The following LRRC47 variants were observed in gnomAD, a reference collection of about 807,000 sequenced individuals.
The protein encoded by LRRC47 is leucine-rich repeat-containing protein 47.
LRRC47 carries 31 observed loss-of-function variants against 40.9 expected under a neutral mutation model. The observed-to-expected ratio is 0.76, with a 90% CI of 0.57 to 1.02. The LOEUF (loss-of-function observed/expected upper bound fraction) is 1.02, where lower values mean the gene tolerates loss of function less well. Among genes scored for constraint, LRRC47 ranks in the 50% least tolerant of loss-of-function variants. The pLI is 0.00. For missense variants in LRRC47, 726 were observed against 796.1 expected, an observed-to-expected ratio of 0.91 and a Z score of 1.06; for synonymous variants, 427 against 371.9, an observed-to-expected ratio of 1.15 and a Z score of -1.70.
Position 3,781,518 on chromosome 1 carries a change from G to A in LRRC47, c.1497C>T (p.Leu499=). The change falls in exon 6 of 7, where the codon CTC becomes CTT. Residue 499 remains leucine, a synonymous_variant. Coordinates refer to ENST00000378251, the MANE Select transcript of LRRC47 (RefSeq NM_020710.3). ...LQICKDVMDA[L]ILKMAEMKKY... ...GGAGCCACCCCACACTCACCAGAATGAGGGCATCCATGACATCCTTGCAAA... is the reference window on the plus strand; with the variant it reads ...GGAGCCACCCCACACTCACCAGAATAAGGGCATCCATGACATCCTTGCAAA... 1 of 1,613,696 alleles carries A rather than the reference G, an allele frequency of 6.2e-7. No homozygotes were observed.
At chr1:3,790,978 C>T (rs1232507672) in intron 1 of LRRC47, among the ~76,000 whole-genome samples, 4 of 152,220 alleles carry the variant, frequency 2.6e-5, no homozygotes, top group African/African-American at 4.8e-5. Flanking sequence ...ACCCACGGAA[C>T]GCAGGAAAGT....
At position 3,779,745 on chromosome 1, in the gene LRRC47, ACCTG is replaced by A. The variant is rs1557639132; in HGVS notation, c.*1339_*1342del. The A allele has an allele frequency of 6.6e-6, 1 of 152,086 alleles. No homozygotes were observed. Among genetic ancestry groups the A allele is most frequent in the African/African-American group, 2.4e-5 (1 of 41,408 alleles). 9.4% of individuals were successfully genotyped at this position (152,086 alleles called of 1,614,324 possible). A position where few individuals can be genotyped will look rare whatever the true frequency, so the allele number is the denominator to read the frequency against. ...GCGTCTGGTCCACTCCTGGGGCTCC[ACCTG>A]CCTGTCACTGCAGCACCAGCGTGCA... On this transcript the variant is annotated 3_prime_UTR_variant, in exon 7 of 7. Transcript: ENST00000378251.
At chr1:3,792,498 T>C (rs1643635952) in intron 1 of LRRC47, among the ~76,000 whole-genome samples, 1 of 151,020 alleles carries the variant, frequency 6.6e-6, no homozygotes, top group Non-Finnish European at 1.5e-5. Context: ...TCTCACTTTC[T>C]CACCCAGGCT....
rs1402154729 is a variant in LRRC47 at position 3,787,164 on chromosome 1, G to T, written c.762C>A (p.Ile254=). 17 of 1,613,868 alleles carry T rather than the reference G, an allele frequency of 1.1e-5. No individual in the cohort carries two copies. The highest frequency in any genetic ancestry group is 1.4e-5 in the Non-Finnish European group (17 of 1,180,042). Residue 254 remains isoleucine, a synonymous_variant, in exon 2 of 7, where the codon ATC becomes ATA. Transcript: ENST00000378251. ...KMVSGCQTRS[I]LEYLRVGGRG... ...GGCCTCCGACGCGCAGGTACTCCAG[G>T]ATGGATCTGGTCTGGCAGCCGCTGA...
Position 3,796,445 on chromosome 1 carries a change from G to T in LRRC47, c.32C>A (p.Pro11Gln). Reference protein sequence around the residue: MAAAAVSESWPELELAERERR... With the variant: MAAAAVSESWQELELAERERR... ...CTCGCGCTCAGCCAGCTCCAGCTCC[G>T]GCCAAGACTCTGACACCGCTGCCGC... The change falls in exon 1 of 7, where the codon CCG (proline) becomes CAG (glutamine). Residue 11 changes from proline (P) to glutamine (Q), a missense_variant. Coordinates refer to ENST00000378251, the MANE Select transcript of LRRC47 (RefSeq NM_020710.3). 1.3e-6 allele frequency: 2 copies of T among 1,522,992 alleles called. No homozygotes were observed. Among genetic ancestry groups the T allele is most frequent in the Non-Finnish European group, 1.7e-6 (2 of 1,143,512 alleles). 94.3% of individuals were successfully genotyped at this position (1,522,992 alleles called of 1,614,324 possible). A position where few individuals can be genotyped will look rare whatever the true frequency, so the allele number is the denominator to read the frequency against.
In LRRC47 at chr1:3,788,127, C is replaced by T. The variant is rs113657568; in HGVS notation, c.616-817G>A. ...CCCAGGGTCTGGGCAGCGCAGGGAACGTGCGTGTGAGGGCAGCCACTTCCA... is the reference window on the plus strand; with the variant it reads ...CCCAGGGTCTGGGCAGCGCAGGGAATGTGCGTGTGAGGGCAGCCACTTCCA... On this transcript the variant is annotated intron_variant, in intron 1 of 6. Transcript: ENST00000378251. Among the ~76,000 whole-genome samples, 5 of 152,208 alleles carry T rather than the reference C, an allele frequency of 3.3e-5. No individual in the cohort carries two copies. In the East Asian group the frequency reaches 5.8e-4, roughly 18 times the overall value.
At chr1:3,789,328 G>A (rs369665388) in intron 1 of LRRC47, among the ~76,000 whole-genome samples, 5 of 152,272 alleles carry the variant, frequency 3.3e-5, no homozygotes, top group Admixed American at 1.3e-4. Flanking sequence ...ACAGGCATCT[G>A]AGGTTCTGCT....
intron 1 of LRRC47, among the ~76,000 whole-genome samples, chr1:3,794,069 C>A (rs1407282529): frequency 2.6e-5 from 4 of 152,058 alleles, no homozygotes; most frequent in Non-Finnish European, 4.4e-5. Flanking sequence ...GTGGCGGGCG[C>A]TTGTAGTCCC....
intron 2 of LRRC47, 121 bp from the exon 3 acceptor site, chr1:3,785,324 A>G: frequency 1.7e-6 from 1 of 580,874 alleles, no homozygotes; most frequent in Middle Eastern, 5.5e-4. Flanking sequence ...GGTCTTCACA[A>G]CCACGCCACG....
At position 3,781,077 on chromosome 1, in the gene LRRC47, C is replaced by A. The variant is rs760607204; in HGVS notation, c.*11G>T. 2.2e-5 allele frequency: 36 copies of A among 1,605,506 alleles called. No homozygotes were observed. Among genetic ancestry groups the A allele is most frequent in the Admixed American group, 3.3e-5 (2 of 59,716 alleles). ...AACCGGCCAAACAAACGCGGACAGG[C>A]GGCCCTGGCGTCAGCGCACGACAGT... On this transcript the variant is annotated 3_prime_UTR_variant, in exon 7 of 7. Transcript: ENST00000378251.
chr1:3,784,131 A>C lies in LRRC47; in HGVS notation c.1195-20T>G. 20 of 1,585,928 alleles carry C rather than the reference A, an allele frequency of 1.3e-5. No individual in the cohort carries two copies. The highest frequency in any genetic ancestry group is 1.6e-5 in the Non-Finnish European group (19 of 1,163,538). On this transcript the variant is annotated intron_variant, in intron 3 of 6. Transcript: ENST00000378251. ...GACAATCTATCGGGCAGAAACCCAC[A>C]AACTCCACTAGGGTCACAGCCACAG...
chr1:3,782,614 G>A (rs1403101732), intron 5 of LRRC47, 47 bp downstream of exon 5: 2 of 1,126,302 alleles, frequency 1.8e-6, no homozygotes, highest in South Asian at 2.5e-5. Flanking sequence ...TAATTCTACA[G>A]GGAACAGCCT....
chr1:3,794,580 T>C (rs140221300), intron 1 of LRRC47, among the ~76,000 whole-genome samples: 1,943 of 151,998 alleles, frequency 0.013, 31 homozygotes, highest in Middle Eastern at 0.048. Flanking sequence ...CCTCAAGCGA[T>C]CTGCCCGCCT....
chr1:3,789,215 CAG>C (rs1643604903), intron 1 of LRRC47, among the ~76,000 whole-genome samples: 2 of 152,270 alleles, frequency 1.3e-5, no homozygotes, highest in Non-Finnish European at 2.9e-5. Context: ...ACCTCCCTGT[CAG>C]AGCCCTGGCT....
intron 4 of LRRC47, among the ~76,000 whole-genome samples, chr1:3,783,268 A>T (rs931383196): frequency 1.3e-5 from 2 of 151,960 alleles, no homozygotes; most frequent in African/African-American, 4.8e-5. Flanking sequence ...AAAAACACAA[A>T]TATTAGCCAG....
Position 3,780,220 on chromosome 1 carries a change from GA to G in LRRC47, c.*867del, listed in dbSNP as rs1643505259. On this transcript the variant is annotated 3_prime_UTR_variant, in exon 7 of 7. Transcript: ENST00000378251. ...ATCACAGAGTCTTTACACAAGCCTC[GA>G]TGGTGCATGTAGTTTTATTTATGTG... 5 of 152,098 alleles carry G rather than the reference GA, an allele frequency of 3.3e-5. No individual in the cohort carries two copies. Among genetic ancestry groups the G allele is most frequent in the African/African-American group, 1.2e-4 (5 of 41,398 alleles). 9.4% of individuals were successfully genotyped at this position (152,098 alleles called of 1,614,324 possible).
At position 3,781,078 on chromosome 1, in the gene LRRC47, G is replaced by A. The variant is rs775584143; in HGVS notation, c.*10C>T. 1.2e-5 allele frequency: 20 copies of A among 1,605,470 alleles called. No individual in the cohort carries two copies. Among genetic ancestry groups the A allele is most frequent in the East Asian group, 9.0e-5 (4 of 44,612 alleles). ...ACCGGCCAAACAAACGCGGACAGGC[G>A]GCCCTGGCGTCAGCGCACGACAGTC... On this transcript the variant is annotated 3_prime_UTR_variant, in exon 7 of 7. Coordinates refer to ENST00000378251, the MANE Select transcript of LRRC47 (RefSeq NM_020710.3).
At chr1:3,781,691 A>C in intron 5 of LRRC47, 90 bp from the exon 6 acceptor site, 2 of 1,081,006 alleles carry the variant, frequency 1.9e-6, no homozygotes, top group Non-Finnish European at 2.8e-6. Context: ...AATCTACAAA[A>C]CTGTGTGGCC....
At chr1:3,784,722 G>A (rs1643555639) in intron 3 of LRRC47, among the ~76,000 whole-genome samples, 1 of 152,256 alleles carries the variant, frequency 6.6e-6, no homozygotes, top group Non-Finnish European at 1.5e-5. Context: ...CAGGCCGGGT[G>A]CGGTGGCTTA....
Sources: allele counts gnomAD v4.1 joint callset (sites outside exome capture counted in the v4.1 genomes callset), GRCh38; gene constraint gnomAD v4.1.1; transcripts MANE v1.5; gene names NCBI Gene and HGNC (gene_info 2026-07-23, HGNC 2026-07-21).